The following COL26A1 variants were observed in gnomAD, a reference collection of about 807,000 sequenced individuals.
COL26A1 encodes collagen alpha-1(XXVI) chain.
In COL26A1, 41 loss-of-function variants were observed where a neutral mutation model predicts 59.3. That is an observed-to-expected ratio of 0.69 (90% CI 0.54 to 0.90). The LOEUF (loss-of-function observed/expected upper bound fraction) is 0.90, where lower values mean the gene tolerates loss of function less well. Among genes scored for constraint, COL26A1 ranks in the 40% least tolerant of loss-of-function variants. The pLI, the probability that COL26A1 is intolerant of heterozygous loss-of-function variation, is 0.00. For missense variants in COL26A1, 612 were observed against 602.3 expected (o/e 1.02, Z -0.17); for synonymous variants, 266 against 256.0 (o/e 1.04, Z -0.37).
chr7:101,459,925 G>A (rs1171190683), intron 3 of COL26A1, among the ~76,000 whole-genome samples: 1 of 152,086 alleles, frequency 6.6e-6, no homozygotes, highest in African/African-American at 2.4e-5. Flanking sequence ...CTCTAGCTCT[G>A]TGTACGGGCA....
chr7:101,545,027 A>C (rs920453084), intron 6 of COL26A1, among the ~76,000 whole-genome samples: 4 of 152,164 alleles, frequency 2.6e-5, no homozygotes, highest in Non-Finnish European at 5.9e-5. Flanking sequence ...TGTTCCTGCC[A>C]CAGGGCTGAA....
intron 2 of COL26A1, among the ~76,000 whole-genome samples, chr7:101,426,401 T>C (rs1326466907): frequency 1.3e-5 from 2 of 152,090 alleles, no homozygotes; most frequent in Admixed American, 6.6e-5. Flanking sequence ...GTCTCAGCCA[T>C]GAAGATCCTG....
chr7:101,494,705 TAAGTC>T (rs1222092144), intron 3 of COL26A1, among the ~76,000 whole-genome samples: 1 of 152,162 alleles, frequency 6.6e-6, no homozygotes, highest in Non-Finnish European at 1.5e-5. Flanking sequence ...GAGAGTGAAT[TAAGTC>T]AAGGAAGCCA....
At chr7:101,379,776 C>T (rs1220156565) in intron 1 of COL26A1, among the ~76,000 whole-genome samples, 2 of 152,204 alleles carry the variant, frequency 1.3e-5, no homozygotes, top group East Asian at 1.9e-4. Flanking sequence ...GACCTCTGGT[C>T]GTCCTCACTG....
chr7:101,453,732 A>T (rs1793400370), intron 3 of COL26A1, among the ~76,000 whole-genome samples: 1 of 151,890 alleles, frequency 6.6e-6, no homozygotes, highest in African/African-American at 2.4e-5. Flanking sequence ...GCTCCTGAAA[A>T]CCCTTGTAAA....
chr7:101,367,274 A>C (rs1048893557), intron 1 of COL26A1, among the ~76,000 whole-genome samples: 11 of 152,102 alleles, frequency 7.2e-5, no homozygotes, highest in African/African-American at 2.7e-4. Flanking sequence ...CCTATCCTCC[A>C]ATGTGGTGGT....
chr7:101,470,041 G>A (rs1047459768), intron 3 of COL26A1, among the ~76,000 whole-genome samples: 6 of 151,866 alleles, frequency 4.0e-5, no homozygotes, highest in African/African-American at 1.4e-4. Context: ...ATCAGCGAAA[G>A]CAAGAGAAGA....
At chr7:101,450,805 T>C (rs971965067) in intron 3 of COL26A1, among the ~76,000 whole-genome samples, 4 of 147,618 alleles carry the variant, frequency 2.7e-5, no homozygotes, top group Non-Finnish European at 4.5e-5. Flanking sequence ...TATATGAATA[T>C]GAATTCCATA....
intron 3 of COL26A1, among the ~76,000 whole-genome samples, chr7:101,524,995 G>T (rs562049992): frequency 2.9e-4 from 44 of 152,090 alleles, no homozygotes; most frequent in Non-Finnish European, 5.1e-4. Flanking sequence ...TCCATGCCCA[G>T]TCATGGTCCA....
At chr7:101,378,533 A>T (rs566128688) in intron 1 of COL26A1, among the ~76,000 whole-genome samples, 84 of 151,372 alleles carry the variant, frequency 5.5e-4, no homozygotes, top group African/African-American at 1.4e-3. Flanking sequence ...AACAAAAAAA[A>T]TTTTTTTTTG....
In COL26A1 at chr7:101,526,985, G is replaced by A. The variant is rs569381824; in HGVS notation, c.386-6097G>A. On this transcript the variant is annotated intron_variant, in intron 3 of 12. Coordinates refer to ENST00000313669, the MANE Select transcript of COL26A1 (RefSeq NM_001278563.3). Reference sequence around the variant, plus strand: ...AACTCTCTCTCTCTTTTGAGACAGCGTCTCAAAAGGACACTACATCTCCAG... The same window carrying A: ...AACTCTCTCTCTCTTTTGAGACAGCATCTCAAAAGGACACTACATCTCCAG... Among the ~76,000 whole-genome samples, 14 of 152,020 alleles carry A rather than the reference G, an allele frequency of 9.2e-5. No individual in the cohort carries two copies. In the South Asian group the frequency reaches 2.1e-3, roughly 23 times the overall value.
intron 2 of COL26A1, among the ~76,000 whole-genome samples, chr7:101,436,078 GT>G (rs2130339252): frequency 6.6e-6 from 1 of 152,330 alleles, no homozygotes; most frequent in African/African-American, 2.4e-5. Context: ...ACCCCAAGCA[GT>G]GGGGGCCTGT....
chr7:101,418,218 C>G (rs1300780391), intron 1 of COL26A1, among the ~76,000 whole-genome samples: 4 of 152,096 alleles, frequency 2.6e-5, no homozygotes, highest in Admixed American at 1.3e-4. Context: ...TCCTACCTGT[C>G]CAGCTCTTTC....
At chr7:101,521,222 A>G (rs1412561303) in intron 3 of COL26A1, among the ~76,000 whole-genome samples, 2 of 152,202 alleles carry the variant, frequency 1.3e-5, no homozygotes, top group Non-Finnish European at 2.9e-5. Flanking sequence ...GACCACCCCC[A>G]TGATCCAGTC....
At chr7:101,412,708 A>G (rs564300575) in intron 1 of COL26A1, among the ~76,000 whole-genome samples, 1 of 150,644 alleles carries the variant, frequency 6.6e-6, no homozygotes, top group Non-Finnish European at 1.5e-5. Flanking sequence ...CTGAGCTGCT[A>G]CTCTGGGCAC....
chr7:101,486,678 C>T (rs934155901), intron 3 of COL26A1, among the ~76,000 whole-genome samples: 2 of 152,224 alleles, frequency 1.3e-5, no homozygotes, highest in Non-Finnish European at 2.9e-5. Context: ...ACGGAGATGC[C>T]AACACGCCTT....
intron 3 of COL26A1, among the ~76,000 whole-genome samples, chr7:101,519,868 G>A (rs1795104510): frequency 1.3e-5 from 2 of 152,256 alleles, no homozygotes; most frequent in African/African-American, 4.8e-5. Flanking sequence ...TCACATCACC[G>A]CGGCTCATTC....
At chr7:101,405,534 T>C (rs1367074623) in intron 1 of COL26A1, among the ~76,000 whole-genome samples, 2 of 152,116 alleles carry the variant, frequency 1.3e-5, no homozygotes, top group Non-Finnish European at 2.9e-5. Flanking sequence ...CCCTGAATGC[T>C]GGTCCTCCCT....
At position 101,387,630 on chromosome 7, in the gene COL26A1, GCTCT is replaced by G. The variant is rs374185692; in HGVS notation, c.158+24453_158+24456del. Among the ~76,000 whole-genome samples the G allele has an allele frequency of 4.5e-5, 6 of 132,424 alleles. No homozygotes were observed. In the East Asian group the frequency reaches 6.4e-4, roughly 14 times the overall value. 86.9% of individuals were successfully genotyped at this position (132,424 alleles called of 152,430 possible). On this transcript the variant is annotated intron_variant, in intron 1 of 12. Coordinates refer to ENST00000313669, the MANE Select transcript of COL26A1 (RefSeq NM_001278563.3). ...TGCAGTGTGAAGCATTCTCTCTCTC[GCTCT>G]CTCTCTCTCTCTTTATATATATATA...
Sources: allele counts gnomAD v4.1 joint callset (sites outside exome capture counted in the v4.1 genomes callset), GRCh38; gene constraint gnomAD v4.1.1; transcripts MANE v1.5; gene names NCBI Gene and HGNC (gene_info 2026-07-23, HGNC 2026-07-21).